CCL1: variants seen among roughly 807,000 people sequenced by gnomAD.
CCL1 encodes the protein C-C motif chemokine 1.
In CCL1, 9 loss-of-function variants were observed where a neutral mutation model predicts 7.5. The ratio of observed to expected loss-of-function variants is 1.20; its 90% CI spans 0.72 to 2.09. The LOEUF is 2.09. Ranked by LOEUF, CCL1 falls within the 30% of genes most tolerant of loss-of-function variation. The probability of loss-of-function intolerance (pLI) is 0.00; values close to 1 mark genes in which losing one functional copy is unlikely to be tolerated. For missense variants in CCL1, 110 were observed against 113.7 expected, an observed-to-expected ratio of 0.97 and a Z score of 0.15; for synonymous variants, 48 against 44.7, an observed-to-expected ratio of 1.07 and a Z score of -0.30.
Position 34,360,676 on chromosome 17 carries a change from TA to T in CCL1, c.189-16del. 1 of 1,604,220 alleles carries T rather than the reference TA, an allele frequency of 6.2e-7. No individual in the cohort carries two copies. The highest frequency in any genetic ancestry group is 8.5e-7 in the Non-Finnish European group (1 of 1,172,988). On this transcript the variant is annotated splice_polypyrimidine_tract_variant and intron_variant, in intron 2 of 2. Transcript: ENST00000225842. The stretch of plus-strand genomic sequence containing the variant: ...TCAGCTTGAATCTGTGAACAGAGAA[TA>T]AGAGAGAAGGCTGAGCCACCCAAGC...
intron 2 of CCL1, among the ~76,000 whole-genome samples, chr17:34,360,972 T>C (rs974696777): frequency 1.3e-5 from 2 of 152,144 alleles, no homozygotes; most frequent in African/African-American, 2.4e-5. Context: ...CATCCTGGAA[T>C]AGCTCTTTGC....
rs1910553748 is a variant in CCL1 at position 34,363,187 on chromosome 17, C to T, written c.-26G>A. ...GTCTTCTGGTCTGGCTTGGGCCTTC[C>T]TGGAGCAGCTTTGATGAGCCTGGTG... On this transcript the variant is annotated 5_prime_UTR_variant, in exon 1 of 3. Transcript: ENST00000225842. 1 of 1,611,658 alleles carries T rather than the reference C, an allele frequency of 6.2e-7. No homozygotes were observed. Among genetic ancestry groups the T allele is most frequent in the Non-Finnish European group, 8.5e-7 (1 of 1,178,564 alleles).
chr17:34,362,052 A>T (rs1382555318), intron 1 of CCL1, among the ~76,000 whole-genome samples, 156 bp from the exon 2 acceptor site: 1 of 152,124 alleles, frequency 6.6e-6, no homozygotes, highest in African/African-American at 2.4e-5. Flanking sequence ...CTCATCAGCC[A>T]CCTTGTTCTG....
In CCL1 at chr17:34,360,586, C is replaced by A; in HGVS notation, c.264G>T (p.Leu88=). ...VGWVQRHRKM[L]RHCPSKRK ...ATTTTCTTTTTGACGGGCAGTGCCTCAGCATTTTTCTGTGCCTCTGAACCC... is the reference window on the plus strand; with the variant it reads ...ATTTTCTTTTTGACGGGCAGTGCCTAAGCATTTTTCTGTGCCTCTGAACCC... The change falls in exon 3 of 3, where the codon CTG becomes CTT. Residue 88 remains leucine (L), a synonymous_variant. Transcript: ENST00000225842. The A allele has an allele frequency of 6.2e-7, 1 of 1,613,834 alleles. No individual in the cohort carries two copies. Among genetic ancestry groups the A allele is most frequent in the South Asian group, 1.1e-5 (1 of 91,068 alleles).
intron 1 of CCL1, among the ~76,000 whole-genome samples, chr17:34,362,801 C>A (rs987998903): frequency 2.0e-5 from 3 of 152,100 alleles, no homozygotes; most frequent in African/African-American, 7.2e-5. Context: ...CCTTAGGCCT[C>A]CCAGCTTTAC....
intron 1 of CCL1, among the ~76,000 whole-genome samples, chr17:34,362,758 A>C (rs1910538839): frequency 6.6e-6 from 1 of 152,130 alleles, no homozygotes. Flanking sequence ...TGTCTGTCAC[A>C]CTGTAGAAGC....
intron 1 of CCL1, among the ~76,000 whole-genome samples, chr17:34,362,674 G>C (rs1009284368): frequency 3.9e-5 from 6 of 152,176 alleles, no homozygotes; most frequent in African/African-American, 1.4e-4. Flanking sequence ...AGAAAGTAGA[G>C]TTTGAGAGCT....
chr17:34,362,396 G>A (rs575903822), intron 1 of CCL1, among the ~76,000 whole-genome samples: 4 of 152,056 alleles, frequency 2.6e-5, no homozygotes, highest in East Asian at 1.9e-4. Flanking sequence ...GATGACAAGG[G>A]AAGAGCTCCC....
intron 1 of CCL1, among the ~76,000 whole-genome samples, chr17:34,362,527 C>G: frequency 6.6e-6 from 1 of 152,232 alleles, no homozygotes; most frequent in South Asian, 2.1e-4. Context: ...CACCACATCC[C>G]GCAAGAGACC....
intron 1 of CCL1, among the ~76,000 whole-genome samples, chr17:34,362,307 A>T (rs1910528021): frequency 6.6e-6 from 1 of 152,186 alleles, no homozygotes; most frequent in Admixed American, 6.5e-5. Context: ...GGTTAGTCTG[A>T]TGCAGGACAC....
chr17:34,360,911 G>A (rs1910489320), intron 2 of CCL1, among the ~76,000 whole-genome samples: 1 of 152,034 alleles, frequency 6.6e-6, no homozygotes, highest in Admixed American at 6.6e-5. Context: ...TATCAGGGTG[G>A]GGCTGAACAG....
At position 34,363,216 on chromosome 17, in the gene CCL1, C is replaced by T; in HGVS notation, c.-55G>A. On this transcript the variant is annotated 5_prime_UTR_variant, in exon 1 of 3. Coordinates refer to ENST00000225842, the MANE Select transcript of CCL1 (RefSeq NM_002981.2). Reference sequence around the variant, plus strand: ...AGCAGCTTTGATGAGCCTGGTGAAGCTAAGAGCTCACCACTGTGCCGTCCT... The same window carrying T: ...AGCAGCTTTGATGAGCCTGGTGAAGTTAAGAGCTCACCACTGTGCCGTCCT... The T allele has an allele frequency of 6.5e-7, 1 of 1,537,002 alleles. No individual in the cohort carries two copies. The highest frequency in any genetic ancestry group is 9.0e-7 in the Non-Finnish European group (1 of 1,113,294).
At chr17:34,361,952 GC>G in intron 1 of CCL1, 56 bp from the exon 2 acceptor site, 1 of 1,163,816 alleles carries the variant, frequency 8.6e-7, no homozygotes, top group Non-Finnish European at 1.3e-6. Context: ...CTCACCTGTA[GC>G]ACAATTTTTA....
chr17:34,362,126 G>T (rs533280676), intron 1 of CCL1, among the ~76,000 whole-genome samples: 1 of 152,248 alleles, frequency 6.6e-6, no homozygotes, highest in East Asian at 1.9e-4. Flanking sequence ...CAGCTGAGTG[G>T]CCCTGAGGAA....
rs139316246 is a variant in CCL1, at chr17:34,363,018, AC to A, written c.76+67del. ...TGAGTTCAAGGAGAAGCCTGCTCCA[AC>A]CCCAGAGTGGCTGACCACGTTTCTG... is the stretch of plus-strand genomic sequence containing the variant. On this transcript the variant is annotated intron_variant, in intron 1 of 2. Transcript: ENST00000225842. 8 of 1,450,726 alleles carry A rather than the reference AC, an allele frequency of 5.5e-6. No individual in the cohort carries two copies. In the East Asian group the frequency reaches 1.6e-4, roughly 29 times the overall value. The allele number at this position is 1,450,726 out of a possible 1,614,324, so 89.9% of individuals were successfully genotyped here. A position where few individuals can be genotyped will look rare whatever the true frequency, so the allele number is the denominator to read the frequency against.
chr17:34,360,760 C>A, intron 2 of CCL1, 99 bp from the exon 3 acceptor site: 1 of 866,634 alleles, frequency 1.2e-6, no homozygotes, highest in Non-Finnish European at 1.9e-6. Context: ...GTCCCCTAAA[C>A]TGCTCTTGCT....
Position 34,363,222 on chromosome 17 carries a change from G to C in CCL1, c.-61C>G. 1 of 1,492,308 alleles carries C rather than the reference G, an allele frequency of 6.7e-7. No individual in the cohort carries two copies. The highest frequency in any genetic ancestry group is 9.3e-7 in the Non-Finnish European group (1 of 1,073,808). 92.4% of individuals were successfully genotyped at this position (1,492,308 alleles called of 1,614,324 possible). A position where few individuals can be genotyped will look rare whatever the true frequency, so the allele number is the denominator to read the frequency against. On this transcript the variant is annotated 5_prime_UTR_variant, in exon 1 of 3. Transcript: ENST00000225842. ...TTTGATGAGCCTGGTGAAGCTAAGA[G>C]CTCACCACTGTGCCGTCCTGCAATG...
Position 34,360,543 on chromosome 17 carries a change from A to T in CCL1, c.*16T>A. The T allele has an allele frequency of 6.2e-7, 1 of 1,600,664 alleles. No homozygotes were observed. Among genetic ancestry groups the T allele is most frequent in the Non-Finnish European group, 8.6e-7 (1 of 1,167,762 alleles). On this transcript the variant is annotated 3_prime_UTR_variant, in exon 3 of 3. Transcript: ENST00000225842. ...AGCCATGTGGTTTCCAGAGCCCACA[A>T]TGGAAAGAAATCTGCTCATTTTCTT... is the stretch of plus-strand genomic sequence containing the variant.
chr17:34,360,663 T>C lies in CCL1; in HGVS notation c.189-2A>G. The C allele has an allele frequency of 6.2e-7, 1 of 1,610,412 alleles. No individual in the cohort carries two copies. The highest frequency in any genetic ancestry group is 8.5e-7 in the Non-Finnish European group (1 of 1,177,706). ...TCTTTGCCTCTCTTCAGCTTGAATC[T>C]GTGAACAGAGAATAAGAGAGAAGGC... On this transcript the variant is annotated splice_acceptor_variant, in intron 2 of 2. Coordinates refer to ENST00000225842, the MANE Select transcript of CCL1 (RefSeq NM_002981.2). LOFTEE classifies it high-confidence loss of function.
Sources: allele counts gnomAD v4.1 joint callset (sites outside exome capture counted in the v4.1 genomes callset), GRCh38; gene constraint gnomAD v4.1.1; transcripts MANE v1.5; gene names NCBI Gene and HGNC (gene_info 2026-07-23, HGNC 2026-07-21).